HNF4G: variants seen among roughly 807,000 people sequenced by gnomAD.
HNF4G encodes the protein hepatocyte nuclear factor 4 gamma, also known as hepatocyte nuclear factor 4-gamma.
Under a neutral mutation model 50.9 loss-of-function variants are expected in HNF4G, and 21 were observed. The ratio of observed to expected loss-of-function variants is 0.41; its 90% CI spans 0.29 to 0.59. The LOEUF is 0.59. Ranked by LOEUF, HNF4G falls within the 20% of genes least tolerant of loss-of-function variation. The pLI is 0.26. For synonymous variants in HNF4G, 198 were observed against 185.6 expected, an observed-to-expected ratio of 1.07 and a Z score of -0.54; for missense variants, 527 against 559.4, an observed-to-expected ratio of 0.94 and a Z score of 0.58.
intron 1 of HNF4G, among the ~76,000 whole-genome samples, chr8:75,473,173 G>A (rs1177900374): frequency 6.6e-6 from 1 of 152,018 alleles, no homozygotes; most frequent in Non-Finnish European, 1.5e-5. Context: ...GCCAGGCGTG[G>A]TTGTGGGTGC....
intron 1 of HNF4G, among the ~76,000 whole-genome samples, chr8:75,479,185 A>T (rs1235066963): frequency 1.3e-5 from 2 of 152,190 alleles, no homozygotes; most frequent in Admixed American, 1.3e-4. Flanking sequence ...CTCTTAGATT[A>T]TATATCCCTT....
chr8:75,518,230 C>G (rs544773715), intron 2 of HNF4G, among the ~76,000 whole-genome samples: 1 of 146,292 alleles, frequency 6.8e-6, no homozygotes, highest in Non-Finnish European at 1.5e-5. Context: ...TGAGTGAGAA[C>G]ATGTGGTGTT....
At chr8:75,473,357 A>T (rs998336901) in intron 1 of HNF4G, among the ~76,000 whole-genome samples, 2 of 152,218 alleles carry the variant, frequency 1.3e-5, no homozygotes, top group African/African-American at 2.4e-5. Flanking sequence ...TGATACATAC[A>T]TAAAATATAT....
At chr8:75,485,727 T>C (rs187767471) in intron 1 of HNF4G, 1 of 152,340 alleles carries the variant, frequency 6.6e-6, no homozygotes, top group East Asian at 1.9e-4. Flanking sequence ...TAAAACATAA[T>C]TTAAAATCTA....
At chr8:75,540,541 G>A (rs946076370) in intron 1 of HNF4G, among the ~76,000 whole-genome samples, 2 of 152,034 alleles carry the variant, frequency 1.3e-5, no homozygotes, top group Non-Finnish European at 1.5e-5. Flanking sequence ...TGCTAGTGAT[G>A]AGAAACTACA....
At chr8:75,542,577 T>C (rs1030226771) in intron 1 of HNF4G, among the ~76,000 whole-genome samples, 20 of 142,742 alleles carry the variant, frequency 1.4e-4, no homozygotes, top group African/African-American at 5.2e-4. Context: ...TGGAGAATAG[T>C]GAACTGAATG....
chr8:75,414,484 T>C (rs1032471416), intron 1 of HNF4G, among the ~76,000 whole-genome samples: 34 of 152,190 alleles, frequency 2.2e-4, no homozygotes, highest in African/African-American at 8.2e-4. Context: ...AGATAGTGAA[T>C]ATAGCCAACA....
At chr8:75,498,864 TA>T (rs1333285026) in intron 2 of HNF4G, among the ~76,000 whole-genome samples, 1 of 151,962 alleles carries the variant, frequency 6.6e-6, no homozygotes, top group Admixed American at 6.6e-5. Context: ...AAACAACACT[TA>T]AAAAGCCAGA....
rs1467625283 is a variant in HNF4G at position 75,519,931 on chromosome 8, A to T, written c.-23-23880A>T. ...CCATTGACATTTAAACTGATGATTA[A>T]CATGTTGGATTGAAGTTGACCATTT... On this transcript the variant is annotated intron_variant, in intron 2 of 10. Coordinates refer to the HNF4G transcript ENST00000354370. 2.0e-5 allele frequency among the ~76,000 whole-genome samples: 3 copies of T among 152,010 alleles called. No individual in the cohort carries two copies. In the East Asian group the frequency reaches 5.8e-4, roughly 29 times the overall value.
chr8:75,532,472 T>G (rs1260803947), intron 2 of HNF4G, among the ~76,000 whole-genome samples: 1 of 152,070 alleles, frequency 6.6e-6, no homozygotes, highest in Non-Finnish European at 1.5e-5. Flanking sequence ...ATTTTTAAAA[T>G]TATATTTATG....
intron 2 of HNF4G, among the ~76,000 whole-genome samples, chr8:75,527,395 G>A (rs1369140830): frequency 6.6e-6 from 1 of 152,180 alleles, no homozygotes; most frequent in East Asian, 1.9e-4. Flanking sequence ...GAAAATGTGT[G>A]AGTAAAGGCT....
At position 75,448,780 on chromosome 8, in the gene HNF4G, T is replaced by C. The variant is rs568403657; in HGVS notation, c.-144+40618T>C. ...AATATAAAAGCAAAGTAAGAAATTA[T>C]AAAAGGAAGTAATGACAGATTTGAT... On this transcript the variant is annotated intron_variant, in intron 1 of 10. Coordinates refer to the HNF4G transcript ENST00000354370. 5.3e-5 allele frequency among the ~76,000 whole-genome samples: 8 copies of C among 152,112 alleles called. No homozygotes were observed. The South Asian group carries it at 1.0e-3, about 20-fold the overall frequency.
chr8:75,527,886 CT>C (rs1806225060), intron 2 of HNF4G, among the ~76,000 whole-genome samples: 1 of 152,164 alleles, frequency 6.6e-6, no homozygotes. Context: ...TCTCTGCTAA[CT>C]TTATTTAAAC....
chr8:75,525,177 T>A (rs2130753798), intron 2 of HNF4G, among the ~76,000 whole-genome samples: 1 of 152,278 alleles, frequency 6.6e-6, no homozygotes, highest in South Asian at 2.1e-4. Flanking sequence ...ACATCTTTTC[T>A]GATTTTTTTC....
At chr8:75,507,692 T>A (rs1805632858) in intron 2 of HNF4G, among the ~76,000 whole-genome samples, 1 of 152,224 alleles carries the variant, frequency 6.6e-6, no homozygotes, top group Non-Finnish European at 1.5e-5. Flanking sequence ...TACTGCATTT[T>A]ATAAAACTAT....
rs1349313146 is a variant in HNF4G at position 75,528,158 on chromosome 8, G to A, written c.-23-15653G>A. Reference sequence around the variant, plus strand: ...TGATAATATATGAGTGGCCCATGTAGTAGGTAGAAAATGAGGGCAAGTCCA... The same window carrying A: ...TGATAATATATGAGTGGCCCATGTAATAGGTAGAAAATGAGGGCAAGTCCA... On this transcript the variant is annotated intron_variant, in intron 2 of 10. Coordinates refer to the HNF4G transcript ENST00000354370. Among the ~76,000 whole-genome samples, 7 of 152,320 alleles carry A rather than the reference G, an allele frequency of 4.6e-5. No individual in the cohort carries two copies. In the East Asian group the frequency reaches 1.2e-3, roughly 25 times the overall value.
intron 1 of HNF4G, among the ~76,000 whole-genome samples, chr8:75,459,983 ATTTG>A (rs1811806601): frequency 2.0e-5 from 3 of 152,128 alleles, no homozygotes; most frequent in Non-Finnish European, 2.9e-5. Context: ...TTCCATGAGA[ATTTG>A]CCTAGTTGTG....
intron 1 of HNF4G, among the ~76,000 whole-genome samples, chr8:75,416,282 C>T (rs959112543): frequency 3.9e-5 from 6 of 152,196 alleles, no homozygotes; most frequent in Non-Finnish European, 7.4e-5. Flanking sequence ...TTTCTGCATA[C>T]GGCTGACATG....
At chr8:75,435,597 T>TTTG (rs1185522861) in intron 1 of HNF4G, among the ~76,000 whole-genome samples, 7 of 152,112 alleles carry the variant, frequency 4.6e-5, no homozygotes, top group Non-Finnish European at 7.4e-5. Flanking sequence ...AAAAGTAATT[T>TTTG]TTGTTGTTGT....
Sources: gnomAD v4.1 joint callset for allele counts (sites outside exome capture counted in the v4.1 genomes callset) on GRCh38, gnomAD v4.1.1 for gene constraint, MANE v1.5 for transcripts, NCBI Gene and HGNC (gene_info 2026-07-23, HGNC 2026-07-21) for gene names.